Variants in PLCB1 observed in about 807,000 individuals in gnomAD.
PLCB1 encodes the protein phospholipase C beta 1, also known as 1-phosphatidylinositol 4,5-bisphosphate phosphodiesterase beta-1.
A neutral mutation model predicts 161.8 loss-of-function variants in PLCB1; 46 were observed. That is an observed-to-expected ratio of 0.28 (90% CI 0.22 to 0.36). PLCB1 has a LOEUF of 0.36. Ranked by LOEUF, PLCB1 falls within the 10% of genes least tolerant of loss-of-function variation. The pLI is 1.00. For synonymous variants in PLCB1, 517 were observed against 503.7 expected (o/e 1.03, Z -0.35); for missense variants, 1,016 against 1,472.5 (o/e 0.69, Z 5.07).
At chr20:8,398,204 A>G (rs1210438272) in intron 3 of PLCB1, among the ~76,000 whole-genome samples, 1 of 152,100 alleles carries the variant, frequency 6.6e-6, no homozygotes, top group East Asian at 1.9e-4. Context: ...ATGTTTAAGG[A>G]CCATGCATGT....
Position 8,162,479 on chromosome 20 carries a change from A to G in PLCB1, c.177+12108A>G, listed in dbSNP as rs60478660. 9.1e-3 allele frequency among the ~76,000 whole-genome samples: 1,386 copies of G among 152,310 alleles called. 25 individuals carry two copies. The highest frequency in any genetic ancestry group is 0.031 in the African/African-American group (1,273 of 41,564). On this transcript the variant is annotated intron_variant, in intron 2 of 31. Transcript: ENST00000338037. The stretch of plus-strand genomic sequence containing the variant: ...CTGAGACATACACTCAACTGGGCAA[A>G]CCAGAGAGAGCTAGATAATTTCAGG...
intron 2 of PLCB1, chr20:8,256,940 T>C (rs1981451175): frequency 6.6e-6 from 1 of 152,174 alleles, no homozygotes; most frequent in African/African-American, 2.4e-5. Flanking sequence ...AAGGAAGGAT[T>C]GTGTTTTCTC....
intron 31 of PLCB1, among the ~76,000 whole-genome samples, chr20:8,846,692 T>A (rs1223242210): frequency 6.6e-6 from 1 of 152,134 alleles, no homozygotes; most frequent in African/African-American, 2.4e-5. Flanking sequence ...ATCATATTGA[T>A]TAACACAGTA....
At chr20:8,467,180 A>G (rs1274224790) in intron 3 of PLCB1, among the ~76,000 whole-genome samples, 1 of 152,166 alleles carries the variant, frequency 6.6e-6, no homozygotes, top group Non-Finnish European at 1.5e-5. Context: ...GCCTCAAGTG[A>G]TCTGCCTGTC....
At chr20:8,698,902 C>G (rs1173903917) in intron 11 of PLCB1, among the ~76,000 whole-genome samples, 1 of 152,112 alleles carries the variant, frequency 6.6e-6, no homozygotes, top group Non-Finnish European at 1.5e-5. Context: ...ACCCTTAGCT[C>G]TATTTTGCAC....
intron 3 of PLCB1, among the ~76,000 whole-genome samples, chr20:8,522,147 T>C (rs1032326099): frequency 6.6e-6 from 1 of 152,190 alleles, no homozygotes; most frequent in African/African-American, 2.4e-5. Context: ...TCCTGTGGTA[T>C]GAAAATTCAG....
At chr20:8,546,739 T>G (rs1425863408) in intron 3 of PLCB1, among the ~76,000 whole-genome samples, 2 of 152,126 alleles carry the variant, frequency 1.3e-5, no homozygotes, top group African/African-American at 4.8e-5. Flanking sequence ...GTTCTGGATG[T>G]TTTTCTTCAA....
chr20:8,313,389 C>T lies in PLCB1; in HGVS notation c.178-57993C>T, dbSNP rs180825923. ...TCCAGCAGGCCACTCTGAGCATGTT[C>T]TCATGGTGGTGACAGAAGAGCAAAG... On this transcript the variant is annotated intron_variant, in intron 2 of 31. Transcript: ENST00000338037. Among the ~76,000 whole-genome samples, 554 of 152,012 alleles carry T rather than the reference C, an allele frequency of 3.6e-3. 3 individuals carry two copies. The highest frequency in any genetic ancestry group is 7.5e-3 in the Admixed American group (113 of 15,104).
intron 2 of PLCB1, among the ~76,000 whole-genome samples, chr20:8,194,650 T>C (rs2052003964): frequency 6.6e-6 from 1 of 152,048 alleles, no homozygotes; most frequent in African/African-American, 2.4e-5. Flanking sequence ...TTTATAGATT[T>C]GCAGGATGCT....
intron 3 of PLCB1, among the ~76,000 whole-genome samples, chr20:8,596,964 CTT>C (rs1263466440): frequency 2.6e-5 from 4 of 152,220 alleles, no homozygotes; most frequent in Non-Finnish European, 4.4e-5. Context: ...TATCCTGAGA[CTT>C]TGCTGAAGTT....
intron 3 of PLCB1, among the ~76,000 whole-genome samples, chr20:8,627,172 C>T (rs1489181823): frequency 1.3e-5 from 2 of 152,114 alleles, no homozygotes; most frequent in Non-Finnish European, 2.9e-5. Flanking sequence ...GGTGACTTTT[C>T]ATGCAGCCAA....
intron 3 of PLCB1, among the ~76,000 whole-genome samples, chr20:8,511,295 T>G (rs1050631478): frequency 3.3e-5 from 5 of 152,204 alleles, no homozygotes; most frequent in Non-Finnish European, 7.4e-5. Context: ...TTGTTGCAAA[T>G]GACAGAATTT....
At chr20:8,356,015 A>G (rs1370328724) in intron 2 of PLCB1, among the ~76,000 whole-genome samples, 1 of 152,182 alleles carries the variant, frequency 6.6e-6, no homozygotes, top group East Asian at 1.9e-4. Flanking sequence ...GATATGGTAT[A>G]AAGTGAGACT....
intron 3 of PLCB1, among the ~76,000 whole-genome samples, chr20:8,402,557 G>A (rs979051967): frequency 5.9e-5 from 9 of 151,896 alleles, no homozygotes; most frequent in African/African-American, 1.9e-4. Context: ...TTTCCAGGCC[G>A]GGCGTGGTGG....
At chr20:8,383,498 T>A (rs1040539257) in intron 3 of PLCB1, among the ~76,000 whole-genome samples, 2 of 152,218 alleles carry the variant, frequency 1.3e-5, no homozygotes, top group Non-Finnish European at 1.5e-5. Context: ...TTTGCCAGTC[T>A]GTGTCTTTTA....
At chr20:8,395,639 T>G (rs1987749209) in intron 3 of PLCB1, among the ~76,000 whole-genome samples, 1 of 151,994 alleles carries the variant, frequency 6.6e-6, no homozygotes, top group African/African-American at 2.4e-5. Flanking sequence ...TGAGAAAGTA[T>G]GTTAAAGAAT....
intron 3 of PLCB1, among the ~76,000 whole-genome samples, chr20:8,393,024 A>G (rs76258780): frequency 2.0e-5 from 3 of 152,150 alleles, no homozygotes; most frequent in Non-Finnish European, 4.4e-5. Flanking sequence ...TTTCAAGAAG[A>G]TGGAATAACC....
intron 3 of PLCB1, among the ~76,000 whole-genome samples, chr20:8,437,982 C>T (rs1196521378): frequency 6.6e-6 from 1 of 151,900 alleles, no homozygotes; most frequent in Non-Finnish European, 1.5e-5. Context: ...CTCCCTGAAA[C>T]ATAAAAAAAG....
chr20:8,594,841 A>G (rs1787557351), intron 3 of PLCB1, among the ~76,000 whole-genome samples: 1 of 152,180 alleles, frequency 6.6e-6, no homozygotes, highest in Admixed American at 6.5e-5. Context: ...GCACATCTCT[A>G]ATTCATTCTT....
Sources: allele counts gnomAD v4.1 joint callset (sites outside exome capture counted in the v4.1 genomes callset), GRCh38; gene constraint gnomAD v4.1.1; transcripts MANE v1.5; gene names NCBI Gene and HGNC (gene_info 2026-07-23, HGNC 2026-07-21).